Variants in PSMA1 observed in about 807,000 individuals in gnomAD.
PSMA1 encodes the protein proteasome 20S subunit alpha 1.
Under a neutral mutation model 38.4 loss-of-function variants are expected in PSMA1, and 3 were observed. That is an observed-to-expected ratio of 0.08 (90% CI 0.04 to 0.20). The LOEUF is 0.20. PSMA1 is among the 10% of genes least tolerant of loss of function. The pLI, the probability that PSMA1 is intolerant of heterozygous loss-of-function variation, is 1.00. For synonymous variants in PSMA1, 101 were observed against 107.1 expected, an observed-to-expected ratio of 0.94 and a Z score of 0.35; for missense variants, 227 against 325.3, an observed-to-expected ratio of 0.70 and a Z score of 2.32.
intron 1 of PSMA1, among the ~76,000 whole-genome samples, chr11:14,616,385 C>T (rs916658037): frequency 1.3e-5 from 2 of 151,854 alleles, no homozygotes; most frequent in Non-Finnish European, 2.9e-5. Flanking sequence ...GCAAGCACTA[C>T]CATGCCCGGC....
intron 2 of PSMA1, among the ~76,000 whole-genome samples, chr11:14,608,026 C>A (rs148553099): frequency 6.6e-6 from 1 of 152,180 alleles, no homozygotes; most frequent in East Asian, 1.9e-4. Flanking sequence ...TACAATGGCA[C>A]TGAATGACAG....
intron 3 of PSMA1, 39 bp from the exon 4 acceptor site, chr11:14,517,784 A>AG: frequency 2.1e-6 from 3 of 1,440,198 alleles, no homozygotes; most frequent in Non-Finnish European, 2.8e-6. Context: ...AAAAAAAAAA[A>AG]AGAGACAAAT....
In PSMA1 at chr11:14,587,464, A is replaced by C. The variant is rs566047143; in HGVS notation, c.21+23502T>G. On this transcript the variant is annotated intron_variant, in intron 2 of 10. Transcript: ENST00000418988. ...TGTCACCCTTGCAACAAGGAGAATAACTTCCCAATTTTGCTAATCTGTGAA... is the reference window on the plus strand; with the variant it reads ...TGTCACCCTTGCAACAAGGAGAATACCTTCCCAATTTTGCTAATCTGTGAA... Among the ~76,000 whole-genome samples, 9 of 152,310 alleles carry C rather than the reference A, an allele frequency of 5.9e-5. No homozygotes were observed. The South Asian group carries it at 6.2e-4, about 11-fold the overall frequency.
intron 8 of PSMA1, among the ~76,000 whole-genome samples, chr11:14,510,470 C>A (rs1851326383): frequency 6.6e-6 from 1 of 151,900 alleles, no homozygotes; most frequent in South Asian, 2.1e-4. Context: ...ATATAATGTA[C>A]TTATGTATAT....
At chr11:14,577,378 A>G (rs1004861481) in intron 2 of PSMA1, among the ~76,000 whole-genome samples, 9 of 152,074 alleles carry the variant, frequency 5.9e-5, no homozygotes, top group African/African-American at 2.2e-4. Flanking sequence ...CCAGTCTCAT[A>G]AAGAACATGC....
intron 2 of PSMA1, among the ~76,000 whole-genome samples, chr11:14,592,574 A>T (rs1308635693): frequency 6.6e-6 from 1 of 151,994 alleles, no homozygotes; most frequent in Non-Finnish European, 1.5e-5. Flanking sequence ...TTTAGTAGAG[A>T]CGGGGTTTCA....
intron 1 of PSMA1, among the ~76,000 whole-genome samples, chr11:14,639,812 C>T (rs1853174788): frequency 6.6e-6 from 1 of 152,162 alleles, no homozygotes; most frequent in Non-Finnish European, 1.5e-5. Context: ...CTTATATTCA[C>T]CTTTTAATAT....
chr11:14,643,635 C>T (rs1388623708), upstream of PSMA1: 6 of 144,954 alleles, frequency 4.1e-5, no homozygotes, highest in Non-Finnish European at 6.1e-5. Flanking sequence ...TGGGCGGCCG[C>T]GGCGCGGGTG....
At chr11:14,629,428 C>A (rs1181219269) in intron 1 of PSMA1, among the ~76,000 whole-genome samples, 1 of 152,040 alleles carries the variant, frequency 6.6e-6, no homozygotes, top group African/African-American at 2.4e-5. Context: ...ATAGGGAATC[C>A]TTTCCCCATT....
At chr11:14,539,406 G>A (rs1447285218) in intron 2 of PSMA1, among the ~76,000 whole-genome samples, 1 of 151,984 alleles carries the variant, frequency 6.6e-6, no homozygotes, top group Admixed American at 6.6e-5. Flanking sequence ...TAAAGTCCTG[G>A]CTTCCAGATC....
At chr11:14,611,067 C>T (rs1852703013) in exon 2 of PSMA1, 3 of 1,459,896 alleles carry the variant, frequency 2.1e-6, no homozygotes, top group Non-Finnish European at 2.9e-6. Context: ...TTTTCCCAGC[C>T]TTGGAGGGCC....
chr11:14,568,774 T>A (rs966964512), intron 2 of PSMA1, among the ~76,000 whole-genome samples: 1 of 152,244 alleles, frequency 6.6e-6, no homozygotes, highest in African/African-American at 2.4e-5. Flanking sequence ...GTGTCTTGGC[T>A]GACTCTGCTT....
chr11:14,515,559 T>TC (rs1452887635), intron 4 of PSMA1, among the ~76,000 whole-genome samples: 2 of 151,856 alleles, frequency 1.3e-5, no homozygotes, highest in African/African-American at 4.8e-5. Context: ...GAAATTCTTT[T>TC]TTTTTTTTTT....
intron 1 of PSMA1, among the ~76,000 whole-genome samples, chr11:14,615,782 AT>A (rs778743020): frequency 4.6e-5 from 7 of 152,028 alleles, no homozygotes; most frequent in African/African-American, 1.5e-4. Context: ...TTGTATTCCA[AT>A]TGTTTTAGCC....
chr11:14,555,075 T>A (rs1851928055), intron 2 of PSMA1, among the ~76,000 whole-genome samples: 1 of 152,224 alleles, frequency 6.6e-6, no homozygotes. Context: ...GCATTTACTG[T>A]TGGCAAGTTA....
chr11:14,566,866 G>A (rs1276819785), intron 2 of PSMA1, among the ~76,000 whole-genome samples: 1 of 152,128 alleles, frequency 6.6e-6, no homozygotes, highest in African/African-American at 2.4e-5. Context: ...AAACCCTCAG[G>A]AGAGAGTCAA....
At chr11:14,568,151 G>T (rs1213111351) in intron 2 of PSMA1, among the ~76,000 whole-genome samples, 1 of 152,206 alleles carries the variant, frequency 6.6e-6, no homozygotes, top group Non-Finnish European at 1.5e-5. Context: ...CCATAAAAGA[G>T]AATGAGAATT....
At chr11:14,538,447 C>T (rs1851735281) in intron 2 of PSMA1, among the ~76,000 whole-genome samples, 1 of 152,162 alleles carries the variant, frequency 6.6e-6, no homozygotes, top group Admixed American at 6.5e-5. Flanking sequence ...TGTAGCCTAG[C>T]CAGAACCAAA....
rs564995212 is a variant in PSMA1, at chr11:14,576,373, G to T, written c.21+34593C>A. On this transcript the variant is annotated intron_variant, in intron 2 of 10. Coordinates refer to the PSMA1 transcript ENST00000418988. The stretch of plus-strand genomic sequence containing the variant: ...CTTGCACATGCCTATGTCCTGAATG[G>T]TATTGCCTAGGTTTTCTTCTAGGGT... Among the ~76,000 whole-genome samples, 3 of 152,260 alleles carry T rather than the reference G, an allele frequency of 2.0e-5. No individual in the cohort carries two copies. The East Asian group carries it at 5.8e-4, about 29-fold the overall frequency.
Sources: allele counts gnomAD v4.1 joint callset (sites outside exome capture counted in the v4.1 genomes callset), GRCh38; gene constraint gnomAD v4.1.1; transcripts MANE v1.5; gene names NCBI Gene and HGNC (gene_info 2026-07-23, HGNC 2026-07-21).